The following ANKS1B variants were observed in gnomAD, a reference collection of about 807,000 sequenced individuals.
The protein encoded by ANKS1B is ankyrin repeat and sterile alpha motif domain containing 1B.
ANKS1B carries 36 observed loss-of-function variants against 148.3 expected under a neutral mutation model. The observed-to-expected ratio is 0.24, with a 90% CI of 0.19 to 0.32. The LOEUF is 0.32. ANKS1B is among the 10% of genes least tolerant of loss of function. The pLI is 1.00. For missense variants in ANKS1B, 1,157 were observed against 1,542.6 expected (o/e 0.75, Z 4.19); for synonymous variants, 542 against 560.8 (o/e 0.97, Z 0.47).
intron 15 of ANKS1B, among the ~76,000 whole-genome samples, chr12:99,111,691 T>C (rs2060320312): frequency 6.6e-6 from 1 of 152,194 alleles, no homozygotes; most frequent in Admixed American, 6.6e-5. Flanking sequence ...CAATTTTCTT[T>C]TCTTTCTTTA....
intron 1 of ANKS1B, among the ~76,000 whole-genome samples, chr12:99,825,943 T>C (rs777224352): frequency 1.7e-4 from 26 of 152,236 alleles, no homozygotes; most frequent in Non-Finnish European, 1.5e-5. Context: ...GAGAAGATCC[T>C]AACAATTTTG....
chr12:99,223,621 G>A (rs2085449288), intron 14 of ANKS1B, among the ~76,000 whole-genome samples: 2 of 152,072 alleles, frequency 1.3e-5, no homozygotes, highest in Non-Finnish European at 2.9e-5. Flanking sequence ...GGTAATGCTC[G>A]CTCACCTGCT....
At chr12:99,338,524 T>C (rs2089362586) in intron 12 of ANKS1B, among the ~76,000 whole-genome samples, 1 of 152,166 alleles carries the variant, frequency 6.6e-6, no homozygotes, top group Non-Finnish European at 1.5e-5. Context: ...TACTCCACTG[T>C]GACCAAGCTG....
At chr12:99,832,522 G>A (rs1033362073) in intron 1 of ANKS1B, among the ~76,000 whole-genome samples, 13 of 151,924 alleles carry the variant, frequency 8.6e-5, no homozygotes, top group African/African-American at 2.9e-4. Flanking sequence ...TCAGGAGTTC[G>A]AAACCAGCCT....
At chr12:99,890,071 T>C (rs2093016931) in intron 1 of ANKS1B, among the ~76,000 whole-genome samples, 1 of 152,154 alleles carries the variant, frequency 6.6e-6, no homozygotes, top group Non-Finnish European at 1.5e-5. Flanking sequence ...CCCAGTCCTA[T>C]GAAAAGCATG....
At chr12:99,026,913 G>A (rs1173132246) in intron 17 of ANKS1B, among the ~76,000 whole-genome samples, 1 of 152,188 alleles carries the variant, frequency 6.6e-6, no homozygotes, top group African/African-American at 2.4e-5. Context: ...CTAGGAAAAT[G>A]TGCATTGTAT....
chr12:99,339,778 CT>C (rs1400070607), intron 12 of ANKS1B, among the ~76,000 whole-genome samples: 1 of 152,104 alleles, frequency 6.6e-6, no homozygotes, highest in African/African-American at 2.4e-5. Flanking sequence ...TGCCTTGCCC[CT>C]GACCTTGGCT....
rs900693730 is a variant in ANKS1B, at chr12:99,624,926, C to A, written c.1272+30141G>T. 5.3e-5 allele frequency among the ~76,000 whole-genome samples: 8 copies of A among 151,990 alleles called. No homozygotes were observed. The East Asian group carries it at 1.3e-3, about 26-fold the overall frequency. On this transcript the variant is annotated intron_variant, in intron 9 of 26. Transcript: ENST00000683438. ...ACCAAAAGGAAAATAAATTGCTCGA[C>A]CAAAAAGAAACCTGCGCTCATATGT...
chr12:99,266,795 A>G (rs1774161194), intron 12 of ANKS1B, among the ~76,000 whole-genome samples: 1 of 152,180 alleles, frequency 6.6e-6, no homozygotes, highest in Admixed American at 6.6e-5. Context: ...CTAAAACCAT[A>G]TGAGTCCTAA....
intron 3 of ANKS1B, among the ~76,000 whole-genome samples, chr12:99,807,208 A>G (rs1466958210): frequency 1.3e-5 from 2 of 152,236 alleles, no homozygotes; most frequent in Non-Finnish European, 2.9e-5. Context: ...CTTCCTTTGC[A>G]AAGAAAATGA....
intron 10 of ANKS1B, among the ~76,000 whole-genome samples, chr12:99,446,376 G>A (rs540254998): frequency 6.6e-6 from 1 of 152,196 alleles, no homozygotes; most frequent in East Asian, 1.9e-4. Flanking sequence ...ACTGAGCAGG[G>A]AGTGACATAA....
At chr12:99,278,153 C>T (rs2077921344) in intron 12 of ANKS1B, among the ~76,000 whole-genome samples, 1 of 152,210 alleles carries the variant, frequency 6.6e-6, no homozygotes, top group Admixed American at 6.5e-5. Context: ...TTCTCTAGCT[C>T]CCTTCATTTA....
At position 99,610,507 on chromosome 12, in the gene ANKS1B, G is replaced by A. The variant is rs539120429; in HGVS notation, c.1272+44560C>T. Among the ~76,000 whole-genome samples, 308 of 152,170 alleles carry A rather than the reference G, an allele frequency of 2.0e-3. 12 individuals carry two copies. Among genetic ancestry groups the A allele is most frequent in the Middle Eastern group, 3.4e-3 (1 of 294 alleles). On this transcript the variant is annotated intron_variant, in intron 9 of 26. Coordinates refer to ENST00000683438, the MANE Select transcript of ANKS1B (RefSeq NM_001352186.2). ...TTTCCAGGTTTTATATCTGGCTTTT[G>A]GGGATAGAAGTTCTAATTTCTATGA...
intron 14 of ANKS1B, among the ~76,000 whole-genome samples, chr12:99,220,846 T>A (rs1359770165): frequency 6.6e-6 from 1 of 152,104 alleles, no homozygotes; most frequent in Non-Finnish European, 1.5e-5. Context: ...TAAAGTTTGA[T>A]TCATACCTCA....
At chr12:99,910,185 T>C (rs987977064) in intron 1 of ANKS1B, among the ~76,000 whole-genome samples, 13 of 151,700 alleles carry the variant, frequency 8.6e-5, no homozygotes, top group Non-Finnish European at 1.5e-4. Context: ...GGAAACCCCT[T>C]CTCTACTAAA....
rs770379623 is a variant in ANKS1B, at chr12:99,246,626, T to C, written c.1995A>G (p.Lys665=). The stretch of plus-strand genomic sequence containing the variant: ...AAATTGTTCTACTGACCACTTTGGG[T>C]TTAATTTTCTTTACCAAAGGTTCTG... The part of the protein sequence containing the change: ...NNSEPLVKKI[K]PKVVSRTIFH... The change falls in exon 13 of 27, where the codon AAA becomes AAG. Residue 665 remains lysine, a synonymous_variant. Coordinates refer to ENST00000683438, the MANE Select transcript of ANKS1B (RefSeq NM_001352186.2). 25 of 1,613,428 alleles carry C rather than the reference T, an allele frequency of 1.5e-5. No individual in the cohort carries two copies. Among genetic ancestry groups the C allele is most frequent in the Non-Finnish European group, 2.1e-5 (25 of 1,179,758 alleles).
At chr12:99,469,035 C>T (rs979556547) in intron 10 of ANKS1B, among the ~76,000 whole-genome samples, 12 of 152,050 alleles carry the variant, frequency 7.9e-5, no homozygotes, top group African/African-American at 2.9e-4. Flanking sequence ...GACTTGGAAC[C>T]AACCCAAATG....
At chr12:99,896,394 C>CGG (rs2093387593) in intron 1 of ANKS1B, among the ~76,000 whole-genome samples, 1 of 149,986 alleles carries the variant, frequency 6.7e-6, no homozygotes, top group African/African-American at 2.5e-5. Context: ...ATCATGTCCT[C>CGG]TACTTCCATT....
At chr12:99,345,913 G>C (rs1021726162) in intron 12 of ANKS1B, among the ~76,000 whole-genome samples, 2 of 152,078 alleles carry the variant, frequency 1.3e-5, no homozygotes, top group South Asian at 4.1e-4. Flanking sequence ...GTTCATGCTT[G>C]CTTTTAAATT....
Sources: gnomAD v4.1 joint callset for allele counts (sites outside exome capture counted in the v4.1 genomes callset) on GRCh38, gnomAD v4.1.1 for gene constraint, MANE v1.5 for transcripts, NCBI Gene and HGNC (gene_info 2026-07-23, HGNC 2026-07-21) for gene names.